TOX: variants seen among roughly 807,000 people sequenced by gnomAD.
The protein encoded by TOX is thymocyte selection associated high mobility group box.
Under a neutral mutation model 53.7 loss-of-function variants are expected in TOX, and 11 were observed. The observed-to-expected ratio is 0.20, with a 90% CI of 0.13 to 0.34. The LOEUF (loss-of-function observed/expected upper bound fraction) is 0.34, where lower values mean the gene tolerates loss of function less well. Among genes scored for constraint, TOX ranks in the 10% least tolerant of loss-of-function variants. The pLI is 1.00. For missense variants in TOX, 570 were observed against 664.6 expected (o/e 0.86, Z 1.56); for synonymous variants, 225 against 245.3 (o/e 0.92, Z 0.77).
At chr8:59,102,042 T>C (rs1804816053) in intron 1 of TOX, among the ~76,000 whole-genome samples, 1 of 152,192 alleles carries the variant, frequency 6.6e-6, no homozygotes, top group African/African-American at 2.4e-5. Context: ...TTTGTTTTCA[T>C]GCTGCTGATA....
At chr8:58,847,951 AC>A (rs2129167840) in intron 4 of TOX, among the ~76,000 whole-genome samples, 1 of 152,292 alleles carries the variant, frequency 6.6e-6, no homozygotes, top group East Asian at 1.9e-4. Context: ...TCATGAAAGA[AC>A]ATTTTAAAGG....
Position 59,046,878 on chromosome 8 carries a change from A to G in TOX, c.102+72008T>C, listed in dbSNP as rs1385052311. ...TGTCTCAAAAAAAAAAAAAAAAAAA[A>G]AAAAAGAAAAGAAAAAAGGAAAAGA... On this transcript the variant is annotated intron_variant, in intron 1 of 8. Transcript: ENST00000361421. 9.2e-3 allele frequency among the ~76,000 whole-genome samples: 1,382 copies of G among 150,662 alleles called. 27 individuals carry two copies. Among genetic ancestry groups the G allele is most frequent in the African/African-American group, 0.032 (1,301 of 41,008 alleles).
At chr8:59,035,982 T>C (rs1814450946) in intron 1 of TOX, among the ~76,000 whole-genome samples, 1 of 152,212 alleles carries the variant, frequency 6.6e-6, no homozygotes, top group African/African-American at 2.4e-5. Flanking sequence ...GTCATGTAAC[T>C]CCCCTTGACC....
At chr8:58,896,972 A>G (rs1278559617) in intron 3 of TOX, among the ~76,000 whole-genome samples, 1 of 152,138 alleles carries the variant, frequency 6.6e-6, no homozygotes, top group East Asian at 1.9e-4. Context: ...TTAGTCTTTT[A>G]TTTGTCAGGT....
intron 1 of TOX, among the ~76,000 whole-genome samples, chr8:59,061,470 A>AT (rs980189297): frequency 3.3e-5 from 5 of 152,124 alleles, no homozygotes; most frequent in East Asian, 1.9e-4. Context: ...ATTACCTAGT[A>AT]TTTTTTTCTC....
At position 59,021,497 on chromosome 8, in the gene TOX, T is replaced by C. The variant is rs1007504940; in HGVS notation, c.103-61489A>G. 3.0e-3 allele frequency among the ~76,000 whole-genome samples: 327 copies of C among 110,016 alleles called. 19 individuals carry two copies. Among genetic ancestry groups the C allele is most frequent in the Middle Eastern group, 0.013 (3 of 238 alleles). The allele number at this position is 110,016 out of a possible 152,430, so 72.2% of individuals were successfully genotyped here. On this transcript the variant is annotated intron_variant, in intron 1 of 8. Transcript: ENST00000361421. ...AAAAAAAAAAATATATATATATATA[T>C]ATGCACATATATACAATGTCAGATA...
intron 1 of TOX, among the ~76,000 whole-genome samples, chr8:59,066,060 G>C (rs774445526): frequency 6.6e-6 from 1 of 152,134 alleles, no homozygotes; most frequent in Non-Finnish European, 1.5e-5. Context: ...AGGAAAAAAC[G>C]AGGAGCATTT....
At chr8:59,064,033 T>TTAA (rs1804043665) in intron 1 of TOX, among the ~76,000 whole-genome samples, 1 of 152,072 alleles carries the variant, frequency 6.6e-6, no homozygotes, top group African/African-American at 2.4e-5. Context: ...TGACATAGGT[T>TTAA]TAAAGTCCTT....
intron 1 of TOX, among the ~76,000 whole-genome samples, chr8:59,026,411 T>TA (rs1421641455): frequency 6.6e-6 from 1 of 152,174 alleles, no homozygotes; most frequent in Non-Finnish European, 1.5e-5. Context: ...CTCATTTTTT[T>TA]AAAACAACTA....
chr8:59,052,816 T>C (rs1563430969), intron 1 of TOX, among the ~76,000 whole-genome samples: 2 of 152,172 alleles, frequency 1.3e-5, no homozygotes, highest in African/African-American at 2.4e-5. Flanking sequence ...GGATTAAAGC[T>C]GTTAATACTT....
chr8:58,902,947 G>T (rs988516638), intron 3 of TOX, among the ~76,000 whole-genome samples: 2 of 152,154 alleles, frequency 1.3e-5, no homozygotes, highest in African/African-American at 4.8e-5. Flanking sequence ...GCCTTAGAAT[G>T]ACTTTGTACT....
rs753444926 is a variant in TOX, at chr8:58,851,793, G to C, written c.424C>G (p.Arg142Gly). 4 of 1,564,830 alleles carry C rather than the reference G, an allele frequency of 2.6e-6. No individual in the cohort carries two copies. The highest frequency in any genetic ancestry group is 2.6e-6 in the Non-Finnish European group (3 of 1,151,014). Residue 142 changes from arginine (R) to glycine (G), a missense_variant, in exon 4 of 9, where the codon CGA becomes GGA. Around this residue, in one of 3 missense-constraint regions of TOX, gnomAD observed 282 missense variants for 315.0 expected, o/e 0.90. Coordinates refer to ENST00000361421, the MANE Select transcript of TOX (RefSeq NM_014729.3). The surrounding 1 kb of genome is among the most constrained non-coding windows in gnomAD (Gnocchi z 4.4). ...SNSISVMPDI[R>G]NPEGTQYSSH... is the part of the protein sequence containing the mutation. ...CTGTACTGAGTTCCTTCTGGGTTTCGTATATCTGGCATCTACAATAAATAA... is the reference window on the plus strand; with the variant it reads ...CTGTACTGAGTTCCTTCTGGGTTTCCTATATCTGGCATCTACAATAAATAA...
chr8:59,001,200 G>A (rs973133801), intron 1 of TOX, among the ~76,000 whole-genome samples: 1 of 152,088 alleles, frequency 6.6e-6, no homozygotes, highest in Non-Finnish European at 1.5e-5. Flanking sequence ...AGGTTAGCTG[G>A]GTTTAGATGG....
chr8:58,887,015 A>G (rs1175858000), intron 3 of TOX, among the ~76,000 whole-genome samples: 2 of 151,912 alleles, frequency 1.3e-5, no homozygotes, highest in African/African-American at 4.8e-5. Flanking sequence ...CATTACATTA[A>G]GAAAGTATCC....
intron 1 of TOX, among the ~76,000 whole-genome samples, chr8:59,078,603 C>G (rs76026936): frequency 6.6e-6 from 1 of 152,204 alleles, no homozygotes; most frequent in African/African-American, 2.4e-5. Flanking sequence ...ATTCGTGAAC[C>G]AATTAAACCT....
At chr8:58,919,155 C>T (rs1310701456) in intron 3 of TOX, among the ~76,000 whole-genome samples, 1 of 151,492 alleles carries the variant, frequency 6.6e-6, no homozygotes, top group African/African-American at 2.4e-5. Flanking sequence ...GATTCAATGC[C>T]ATCCCCATCA....
chr8:58,833,835 T>TA (rs1414869042), intron 5 of TOX, among the ~76,000 whole-genome samples: 3 of 152,194 alleles, frequency 2.0e-5, no homozygotes, highest in Non-Finnish European at 4.4e-5. Context: ...AGATCTCTGA[T>TA]ATGTGGAGTT....
chr8:59,060,136 T>C (rs1346092382), intron 1 of TOX, among the ~76,000 whole-genome samples: 3 of 152,238 alleles, frequency 2.0e-5, no homozygotes, highest in African/African-American at 7.2e-5. Context: ...TTTTACCTTG[T>C]CTCAGCTGGC....
chr8:58,841,675 G>C (rs1349952835), intron 4 of TOX, among the ~76,000 whole-genome samples: 1 of 152,066 alleles, frequency 6.6e-6, no homozygotes, highest in African/African-American at 2.4e-5. Context: ...TTTAAAAAAA[G>C]TGACTAGGTG....
Sources: allele counts gnomAD v4.1 joint callset (sites outside exome capture counted in the v4.1 genomes callset), GRCh38; gene constraint gnomAD v4.1.1; regional missense constraint gnomAD v4.1.1; non-coding constraint Gnocchi (gnomAD v3.1); transcripts MANE v1.5; gene names NCBI Gene and HGNC (gene_info 2026-07-23, HGNC 2026-07-21).